LINGO1: variants seen among roughly 807,000 people sequenced by gnomAD.
LINGO1 encodes the protein leucine-rich repeat and immunoglobulin-like domain-containing nogo receptor-interacting protein 1.
A neutral mutation model predicts 37.3 loss-of-function variants in LINGO1; 11 were observed. That is an observed-to-expected ratio of 0.29 (90% confidence interval 0.19 to 0.49). The LOEUF (loss-of-function observed/expected upper bound fraction) is 0.49, where lower values mean the gene tolerates loss of function less well. Among genes scored for constraint, LINGO1 ranks in the 20% least tolerant of loss-of-function variants. The pLI, the probability that LINGO1 is intolerant of heterozygous loss-of-function variation, is 0.99. For missense variants in LINGO1, 585 were observed against 878.2 expected (o/e 0.67, Z 4.22); for synonymous variants, 387 against 403.0 (o/e 0.96, Z 0.48).
chr15:77,663,500 G>A (rs747277011), intron 3 of LINGO1, among the ~76,000 whole-genome samples: 5 of 152,108 alleles, frequency 3.3e-5, no homozygotes, highest in Non-Finnish European at 5.9e-5. Flanking sequence ...AACCACTCAG[G>A]GCTTTAGCTA....
chr15:77,647,641 G>T (rs1427770680), intron 3 of LINGO1, among the ~76,000 whole-genome samples: 1 of 152,178 alleles, frequency 6.6e-6, no homozygotes, highest in Admixed American at 6.5e-5. Flanking sequence ...TCAGAGCAGG[G>T]GCTGGGTCAA....
At chr15:77,766,726 C>T (rs1340267559) in intron 1 of LINGO1, among the ~76,000 whole-genome samples, 2 of 152,160 alleles carry the variant, frequency 1.3e-5, no homozygotes, top group Non-Finnish European at 2.9e-5. Flanking sequence ...TTCCTGAGGC[C>T]GTCCCAGCAA....
chr15:77,697,136 C>T (rs2075706782), upstream of LINGO1, among the ~76,000 whole-genome samples: 1 of 152,222 alleles, frequency 6.6e-6, no homozygotes, highest in African/African-American at 2.4e-5. Flanking sequence ...AGAGCCGGGG[C>T]TCAGTGCCAG....
Position 77,810,346 on chromosome 15 carries a change from G to GCACACACACACA in LINGO1, c.-458+9900_-458+9911dup, listed in dbSNP as rs138640024. 6.0e-3 allele frequency among the ~76,000 whole-genome samples: 899 copies of GCACACACACACA among 148,968 alleles called. 5 individuals carry two copies. Among genetic ancestry groups the GCACACACACACA allele is most frequent in the African/African-American group, 0.012 (473 of 40,234 alleles). On this transcript the variant is annotated intron_variant, in intron 1 of 5. Transcript: ENST00000562933. ...CATACACATGCACACACACACACAT[G>GCACACACACACA]CACACACACACACACAGAGGAATCT... is the stretch of plus-strand genomic sequence containing the variant.
Position 77,744,724 on chromosome 15 carries a change from C to T in LINGO1, c.-256-9671G>A, listed in dbSNP as rs115351228. ...AACACAGAGAGGTCTAGTGCTTTGC[C>T]CAAGGTCATGCACATAGAGCTACTG... is the stretch of plus-strand genomic sequence containing the variant. On this transcript the variant is annotated intron_variant, in intron 1 of 3. Transcript: ENST00000561686. Among the ~76,000 whole-genome samples the T allele has an allele frequency of 8.5e-3, 1,294 of 152,264 alleles. 25 individuals are homozygous for T. The highest frequency in any genetic ancestry group is 0.029 in the African/African-American group (1,217 of 41,522).
At chr15:77,790,101 G>C (rs539011151), upstream of LINGO1, among the ~76,000 whole-genome samples, 10 of 152,160 alleles carry the variant, frequency 6.6e-5, no homozygotes, top group Non-Finnish European at 1.3e-4. Context: ...CAGACTTCCA[G>C]CTTCTAGAAC....
upstream of LINGO1, among the ~76,000 whole-genome samples, chr15:77,633,680 C>T (rs778952424): frequency 6.6e-6 from 1 of 152,242 alleles, no homozygotes; most frequent in Non-Finnish European, 1.5e-5. Context: ...CAGAGGGCAG[C>T]GCAGAGCCTC....
chr15:77,653,921 T>C (rs2074816107), intron 3 of LINGO1, among the ~76,000 whole-genome samples: 1 of 152,254 alleles, frequency 6.6e-6, no homozygotes, highest in Non-Finnish European at 1.5e-5. Context: ...GCTAGTTCCC[T>C]GTGAGAGTCA....
intron 1 of LINGO1, among the ~76,000 whole-genome samples, chr15:77,616,464 G>C (rs549969999): frequency 7.9e-5 from 12 of 152,278 alleles, no homozygotes; most frequent in African/African-American, 2.9e-4. Context: ...AGTCTCCCCC[G>C]GTGCAGACGC....
intron 1 of LINGO1, among the ~76,000 whole-genome samples, chr15:77,810,319 CACAT>C (rs2076995012): frequency 6.6e-6 from 1 of 151,422 alleles, no homozygotes; most frequent in African/African-American, 2.4e-5. Context: ...CTCACACACA[CACAT>C]ACACATGCAC....
At chr15:77,650,018 G>A (rs11635239) in intron 3 of LINGO1, among the ~76,000 whole-genome samples, 8,052 of 152,314 alleles carry the variant, frequency 0.053, 239 homozygotes, top group East Asian at 0.13. Context: ...AGTGTTCTCC[G>A]TGGAAAATGG....
intron 2 of LINGO1, among the ~76,000 whole-genome samples, chr15:77,718,073 G>T (rs553565018): frequency 6.6e-6 from 1 of 150,936 alleles, no homozygotes; most frequent in East Asian, 2.1e-4. Flanking sequence ...CAGCTACAGA[G>T]ACAGCGCCAT....
At chr15:77,737,698 G>T (rs1300750257) in intron 1 of LINGO1, among the ~76,000 whole-genome samples, 1 of 151,584 alleles carries the variant, frequency 6.6e-6, no homozygotes, top group Non-Finnish European at 1.5e-5. Context: ...TCCCCTCACT[G>T]GTCCCTGAGC....
At chr15:77,790,012 T>C (rs1429283847), upstream of LINGO1, among the ~76,000 whole-genome samples, 1 of 152,012 alleles carries the variant, frequency 6.6e-6, no homozygotes, top group African/African-American at 2.4e-5. Context: ...GCTCAAGCGA[T>C]CCTCCTGTCT....
chr15:77,790,497 C>T (rs1392976849), upstream of LINGO1, among the ~76,000 whole-genome samples: 1 of 152,216 alleles, frequency 6.6e-6, no homozygotes, highest in Non-Finnish European at 1.5e-5. Flanking sequence ...CAGCCAGGGC[C>T]TGAGGGTAAG....
chr15:77,758,438 TG>T (rs1161777954), intron 1 of LINGO1, among the ~76,000 whole-genome samples: 1 of 152,166 alleles, frequency 6.6e-6, no homozygotes, highest in Non-Finnish European at 1.5e-5. Flanking sequence ...CTCTACCCTG[TG>T]GCCCATCTGC....
chr15:77,647,457 A>G (rs1320756716), intron 3 of LINGO1, among the ~76,000 whole-genome samples: 1 of 152,136 alleles, frequency 6.6e-6, no homozygotes, highest in Admixed American at 6.5e-5. Context: ...ACAGTCTTGC[A>G]GGAGTCGTAG....
chr15:77,667,424 G>A (rs2075156161), intron 3 of LINGO1, among the ~76,000 whole-genome samples: 1 of 152,194 alleles, frequency 6.6e-6, no homozygotes, highest in South Asian at 2.1e-4. Context: ...GGAGGGGCGA[G>A]GGGCCATGGA....
At chr15:77,798,825 C>T (rs1047713484) in intron 1 of LINGO1, among the ~76,000 whole-genome samples, 7 of 152,172 alleles carry the variant, frequency 4.6e-5, no homozygotes, top group African/African-American at 1.7e-4. Context: ...ACAAATGCCC[C>T]GGAGAATGTG....
Sources: allele counts gnomAD v4.1 joint callset (sites outside exome capture counted in the v4.1 genomes callset), GRCh38; gene constraint gnomAD v4.1.1; transcripts MANE v1.5; gene names NCBI Gene and HGNC (gene_info 2026-07-23, HGNC 2026-07-21).